ANXA10: variants seen among roughly 807,000 people sequenced by gnomAD.
ANXA10 encodes the protein annexin A10, also known as annexin 14.
ANXA10 carries 49 observed loss-of-function variants against 53.5 expected under a neutral mutation model. The ratio of observed to expected loss-of-function variants is 0.92; its 90% confidence interval spans 0.73 to 1.16. The LOEUF is 1.16. ANXA10 is among the 50% of genes most tolerant of loss of function. The probability of loss-of-function intolerance (pLI) is 0.00; values close to 1 mark genes in which losing one functional copy is unlikely to be tolerated. For synonymous variants in ANXA10, 131 were observed against 128.9 expected, an observed-to-expected ratio of 1.02 and a Z score of -0.11; for missense variants, 393 against 394.4, an observed-to-expected ratio of 1.00 and a Z score of 0.03.
At chr4:168,115,223 C>T (rs147175271) in intron 1 of ANXA10, among the ~76,000 whole-genome samples, 46 of 152,176 alleles carry the variant, frequency 3.0e-4, no homozygotes, top group African/African-American at 1.1e-3. Flanking sequence ...CACTGGTGGG[C>T]ATTTAGGCTG....
chr4:168,181,029 G>C (rs773180047), intron 9 of ANXA10, among the ~76,000 whole-genome samples: 10 of 151,966 alleles, frequency 6.6e-5, no homozygotes, highest in Non-Finnish European at 1.5e-4. Context: ...AGATTACATG[G>C]GAGCTATATC....
At chr4:168,164,116 T>C in intron 4 of ANXA10, 82 bp from the exon 5 acceptor site, 1 of 1,028,054 alleles carries the variant, frequency 9.7e-7, no homozygotes, top group Admixed American at 2.1e-5. Context: ...CTGGAAATGC[T>C]GTATCCCTTT....
At chr4:168,169,866 A>C (rs541931422) in intron 6 of ANXA10, among the ~76,000 whole-genome samples, 30 of 152,330 alleles carry the variant, frequency 2.0e-4, no homozygotes, top group African/African-American at 7.2e-4. Context: ...TAAACCACCT[A>C]AAATAACTGA....
chr4:168,127,902 T>C (rs1363703374), intron 1 of ANXA10, 182 bp from the exon 2 acceptor site: 3 of 581,012 alleles, frequency 5.2e-6, no homozygotes, highest in Non-Finnish European at 9.2e-6. Flanking sequence ...TTTTGTATTT[T>C]TTGTAGAGAG....
In ANXA10 at chr4:168,177,974, C is replaced by G. The variant is rs150555063; in HGVS notation, c.619C>G (p.Leu207Val). The change falls in exon 8 of 12, where the codon CTG (leucine) becomes GTG (valine). Residue 207 changes from leucine (L) to valine (V), a missense_variant. Transcript: ENST00000359299. ...CCTGTGCAACAAGAGCTACCAGCAGCTGCGGCTGGGTAATTATTAACTGGG... is the reference window on the plus strand; with the variant it reads ...CCTGTGCAACAAGAGCTACCAGCAGGTGCGGCTGGGTAATTATTAACTGGG... ...MILCNKSYQQ[L>V]RLVFQEFQNI... 1.2e-6 allele frequency: 2 copies of G among 1,613,430 alleles called. No individual in the cohort carries two copies. Among genetic ancestry groups the G allele is most frequent in the East Asian group, 4.5e-5 (2 of 44,874 alleles).
chr4:168,145,710 C>T (rs749019602), intron 3 of ANXA10, among the ~76,000 whole-genome samples: 2 of 152,218 alleles, frequency 1.3e-5, no homozygotes, highest in Non-Finnish European at 2.9e-5. Flanking sequence ...TTTCCTCCAT[C>T]ATGGTCATTT....
intron 4 of ANXA10, among the ~76,000 whole-genome samples, chr4:168,163,867 A>G (rs1282039643): frequency 1.3e-5 from 2 of 152,216 alleles, no homozygotes; most frequent in African/African-American, 2.4e-5. Flanking sequence ...AGCAAATGGA[A>G]TATCAAATAT....
intron 6 of ANXA10, among the ~76,000 whole-genome samples, chr4:168,172,546 T>G (rs1732033692): frequency 6.6e-6 from 1 of 152,178 alleles, no homozygotes; most frequent in Non-Finnish European, 1.5e-5. Flanking sequence ...TAACATTTCT[T>G]GAATGCCTAC....
chr4:168,177,679 T>G (rs1268055449), intron 6 of ANXA10, 61 bp from the exon 7 acceptor site: 6 of 1,527,304 alleles, frequency 3.9e-6, no homozygotes, highest in Non-Finnish European at 2.7e-6. Context: ...TCAGTCTCAC[T>G]AATCCAATAT....
At chr4:168,093,016 A>T (rs1730484371) in intron 1 of ANXA10, among the ~76,000 whole-genome samples, 1 of 152,130 alleles carries the variant, frequency 6.6e-6, no homozygotes, top group Non-Finnish European at 1.5e-5. Context: ...ATTTGAGCAT[A>T]CCTAAGAATC....
chr4:168,163,126 AT>A (rs148068929), intron 4 of ANXA10, among the ~76,000 whole-genome samples: 4,365 of 147,766 alleles, frequency 0.03, 92 homozygotes, highest in South Asian at 0.078. Context: ...TTACAGAAAC[AT>A]TTTTTTTTTT....
At chr4:168,174,904 G>A (rs1732092193) in intron 6 of ANXA10, among the ~76,000 whole-genome samples, 1 of 152,156 alleles carries the variant, frequency 6.6e-6, no homozygotes, top group African/African-American at 2.4e-5. Flanking sequence ...TGCTGAATTG[G>A]CAATTGGAAT....
chr4:168,120,006 A>C (rs1730959163), intron 1 of ANXA10, among the ~76,000 whole-genome samples: 1 of 152,128 alleles, frequency 6.6e-6, no homozygotes, highest in Non-Finnish European at 1.5e-5. Flanking sequence ...AACGGGGAAT[A>C]ATATAGCTAT....
At chr4:168,134,001 A>G (rs1366191170) in intron 2 of ANXA10, among the ~76,000 whole-genome samples, 1 of 152,104 alleles carries the variant, frequency 6.6e-6, no homozygotes, top group African/African-American at 2.4e-5. Flanking sequence ...AAGAGGTTAT[A>G]TATCTAGAAA....
In ANXA10 at chr4:168,168,619, C is replaced by T. The variant is rs147840787; in HGVS notation, c.480+3293C>T. On this transcript the variant is annotated intron_variant, in intron 6 of 11. Transcript: ENST00000359299. ...TATTTTTAGTAGAGACGCGGTTTCA[C>T]CATGTTGGCCAGGATGGTCTCAATC... 2.5e-3 allele frequency among the ~76,000 whole-genome samples: 376 copies of T among 152,244 alleles called. 1 individual carries two copies. The highest frequency in any genetic ancestry group is 8.1e-3 in the African/African-American group (336 of 41,538).
intron 2 of ANXA10, among the ~76,000 whole-genome samples, chr4:168,138,125 C>A (rs920855464): frequency 6.6e-6 from 1 of 152,026 alleles, no homozygotes; most frequent in East Asian, 1.9e-4. Flanking sequence ...CCACACCCGG[C>A]TAATTTTTTG....
rs1731127744 is a variant in ANXA10 at position 168,129,653 on chromosome 4, CA to C, written c.100+1490del. Among the ~76,000 whole-genome samples, 4 of 152,152 alleles carry C rather than the reference CA, an allele frequency of 2.6e-5. No homozygotes were observed. The South Asian group carries it at 8.3e-4, about 32-fold the overall frequency. On this transcript the variant is annotated intron_variant, in intron 2 of 11. Coordinates refer to ENST00000359299, the MANE Select transcript of ANXA10 (RefSeq NM_007193.5). Reference sequence around the variant, plus strand: ...TCTGGCGAAGTGTTATTGAAAAAGACAATAACTAATGTTTTTCTTAGCTACT... The same window carrying C: ...TCTGGCGAAGTGTTATTGAAAAAGACATAACTAATGTTTTTCTTAGCTACT...
At chr4:168,102,629 G>A (rs574617089) in intron 1 of ANXA10, among the ~76,000 whole-genome samples, 33 of 152,154 alleles carry the variant, frequency 2.2e-4, no homozygotes, top group Middle Eastern at 3.4e-3. Flanking sequence ...ACCACAATTT[G>A]TTTATCTGTT....
intron 2 of ANXA10, among the ~76,000 whole-genome samples, chr4:168,131,663 T>C (rs1426314594): frequency 6.6e-6 from 1 of 152,024 alleles, no homozygotes; most frequent in Non-Finnish European, 1.5e-5. Context: ...TCATCTCTTT[T>C]GGCACTCTGT....
Sources: allele counts gnomAD v4.1 joint callset (sites outside exome capture counted in the v4.1 genomes callset), GRCh38; gene constraint gnomAD v4.1.1; transcripts MANE v1.5; gene names NCBI Gene and HGNC (gene_info 2026-07-23, HGNC 2026-07-21).